Variants in AKAP19 observed in about 807,000 individuals in gnomAD.
The protein encoded by AKAP19 is A-kinase anchoring protein 19.
chr2:189,891,113 G>A, the AKAP19 span, among the ~76,000 whole-genome samples: 1 of 151,754 alleles, frequency 6.6e-6, no homozygotes, highest in African/African-American at 2.4e-5. Flanking sequence ...GCCTGGTGGT[G>A]ACAAAATCTC....
chr2:190,003,943 T>C, the AKAP19 span, among the ~76,000 whole-genome samples: 1 of 152,162 alleles, frequency 6.6e-6, no homozygotes, highest in East Asian at 1.9e-4. Flanking sequence ...TTTCACACCA[T>C]ACATCTATTC....
chr2:190,165,790 A>G, the AKAP19 span, among the ~76,000 whole-genome samples: 1 of 152,224 alleles, frequency 6.6e-6, no homozygotes, highest in African/African-American at 2.4e-5. Flanking sequence ...GATTTAAGGA[A>G]CTCAACAAAT....
chr2:190,131,564 G>T, the AKAP19 span, among the ~76,000 whole-genome samples: 3 of 152,196 alleles, frequency 2.0e-5, no homozygotes, highest in Non-Finnish European at 2.9e-5. Context: ...GGTAAATAAA[G>T]TGTTTCCCCA....
the AKAP19 span, chr2:190,060,528 A>T: frequency 1.0e-5 from 11 of 1,086,156 alleles, no homozygotes; most frequent in African/African-American, 6.4e-5. Context: ...TTAAATTAAG[A>T]TAATGTATGC....
chr2:189,927,263 GCT>G, the AKAP19 span, among the ~76,000 whole-genome samples: 1 of 152,114 alleles, frequency 6.6e-6, no homozygotes. Context: ...TCAGTTCTAT[GCT>G]CTTTCTTTTC....
chr2:190,001,367 T>A, the AKAP19 span, among the ~76,000 whole-genome samples: 1 of 152,148 alleles, frequency 6.6e-6, no homozygotes, highest in African/African-American at 2.4e-5. Context: ...CAATATGGAT[T>A]TTACTTCCCT....
At chr2:190,126,289 C>CAAAAAAAAAAAAAAAAAAAAAAAAAAA in the AKAP19 span, among the ~76,000 whole-genome samples, 27 of 31,322 alleles carry the variant, frequency 8.6e-4, 2 homozygotes, top group South Asian at 3.2e-3. Flanking sequence ...GATTCCATCT[C>CAAAAAAAAAAAAAAAAAAAAAAAAAAA]AAAAAAAAAA....
At chr2:189,982,001 G>A in the AKAP19 span, among the ~76,000 whole-genome samples, 5,233 of 151,794 alleles carry the variant, frequency 0.034, 286 homozygotes, top group African/African-American at 0.12. Flanking sequence ...CATCTTGCAT[G>A]GCATCTTGCA....
At chr2:190,074,739 A>C in the AKAP19 span, among the ~76,000 whole-genome samples, 89,532 of 151,966 alleles carry the variant, frequency 0.59, 31,842 homozygotes, top group South Asian at 0.8. Context: ...ATTTTAACTT[A>C]GGCCGTTAAG....
the AKAP19 span, among the ~76,000 whole-genome samples, chr2:190,148,359 A>G: frequency 0.39 from 58,886 of 152,126 alleles, 12,927 homozygotes; most frequent in East Asian, 0.76. Flanking sequence ...ATGAAACCCA[A>G]TTGATTATGG....
At chr2:189,893,413 G>T in the AKAP19 span, among the ~76,000 whole-genome samples, 1 of 152,178 alleles carries the variant, frequency 6.6e-6, no homozygotes, top group Non-Finnish European at 1.5e-5. Flanking sequence ...ATAGTATCTG[G>T]GCCAGAGTGC....
the AKAP19 span, among the ~76,000 whole-genome samples, chr2:189,913,258 T>A: frequency 1.3e-5 from 2 of 152,108 alleles, no homozygotes; most frequent in African/African-American, 4.8e-5. Flanking sequence ...CCTTTCCAAG[T>A]TCTGTAATTA....
the AKAP19 span, among the ~76,000 whole-genome samples, chr2:190,089,831 T>C: frequency 6.6e-6 from 1 of 152,198 alleles, no homozygotes; most frequent in East Asian, 1.9e-4. Flanking sequence ...TCTTGAGGAC[T>C]ATGATTCAAT....
chr2:190,185,310 C>A, the AKAP19 span, among the ~76,000 whole-genome samples: 1 of 152,164 alleles, frequency 6.6e-6, no homozygotes, highest in South Asian at 2.1e-4. Context: ...GTGAATCAAA[C>A]TGATAAAAGA....
At chr2:190,164,897 A>T in the AKAP19 span, among the ~76,000 whole-genome samples, 2 of 152,224 alleles carry the variant, frequency 1.3e-5, no homozygotes, top group African/African-American at 4.8e-5. Flanking sequence ...GATGCTATGG[A>T]TAGTCTTATC....
chr2:189,925,027 A>G, the AKAP19 span, among the ~76,000 whole-genome samples: 1 of 152,162 alleles, frequency 6.6e-6, no homozygotes, highest in Non-Finnish European at 1.5e-5. Flanking sequence ...ATCTCTTCTC[A>G]TTATACTCAT....
chr2:189,986,409 A>G, the AKAP19 span, among the ~76,000 whole-genome samples: 1 of 148,804 alleles, frequency 6.7e-6, no homozygotes, highest in African/African-American at 2.4e-5. Context: ...AAAACACAAA[A>G]AAGAAAAACA....
chr2:189,895,527 G>A, the AKAP19 span, among the ~76,000 whole-genome samples: 3 of 152,018 alleles, frequency 2.0e-5, no homozygotes, highest in African/African-American at 7.2e-5. Context: ...ATTAATATTT[G>A]TATTTTTGAA....
At chr2:190,020,972 A>G in the AKAP19 span, among the ~76,000 whole-genome samples, 11 of 152,334 alleles carry the variant, frequency 7.2e-5, no homozygotes, top group Middle Eastern at 0.014. Context: ...GTATTAGCAT[A>G]TATCAGAATT....
Sources: allele counts gnomAD v4.1 joint callset (sites outside exome capture counted in the v4.1 genomes callset), GRCh38; gene constraint gnomAD v4.1.1; transcripts MANE v1.5; gene names NCBI Gene and HGNC (gene_info 2026-07-23, HGNC 2026-07-21).